The following NINL variants were observed in gnomAD, a reference collection of about 807,000 sequenced individuals.
NINL encodes the protein ninein like.
In NINL, 153 loss-of-function variants were observed where a neutral mutation model predicts 160.3. The ratio of observed to expected loss-of-function variants is 0.95; its 90% CI spans 0.84 to 1.09. The LOEUF (loss-of-function observed/expected upper bound fraction) is 1.09, where lower values mean the gene tolerates loss of function less well. Among genes scored for constraint, NINL ranks in the 50% least tolerant of loss-of-function variants. The probability of loss-of-function intolerance (pLI) is 0.00; values close to 1 mark genes in which losing one functional copy is unlikely to be tolerated. For missense variants in NINL, 1,829 were observed against 1,764.0 expected (o/e 1.04, Z -0.66); for synonymous variants, 800 against 734.8 (o/e 1.09, Z -1.43).
In NINL at chr20:25,526,531, G is replaced by C; in HGVS notation, c.57C>G (p.Cys19Trp). 6.2e-7 allele frequency: 1 copy of C among 1,614,192 alleles called. No individual in the cohort carries two copies. Among genetic ancestry groups the C allele is most frequent in the Non-Finnish European group, 8.5e-7 (1 of 1,180,032 alleles). Residue 19 changes from cysteine to tryptophan, a missense_variant, in exon 2 of 24, where the codon TGC becomes TGG. By Grantham distance (215) the Cys-to-Trp change is radical. Coordinates refer to ENST00000278886, the MANE Select transcript of NINL (RefSeq NM_025176.6). ...VSQLREVYSS[C>W]DTTGTGFLDR... ...CCAGAAAGCCAGTCCCCGTGGTGTC[G>C]CAGCTGCTGTAGACTTCCCTGAGCT...
intron 17 of NINL, among the ~76,000 whole-genome samples, chr20:25,471,506 C>T (rs2063093465): frequency 6.6e-6 from 1 of 152,132 alleles, no homozygotes; most frequent in South Asian, 2.1e-4. Flanking sequence ...CCTACCCCAT[C>T]CCCCACATGA....
chr20:25,570,899 C>T (rs1421954484), intron 1 of NINL, among the ~76,000 whole-genome samples: 6 of 151,846 alleles, frequency 4.0e-5, no homozygotes, highest in Non-Finnish European at 8.8e-5. Flanking sequence ...GACGGGGTTT[C>T]ACCATGTTGG....
rs901999720 is a variant in NINL at position 25,478,795 on chromosome 20, A to T, written c.2201+128T>A. 3 of 1,066,292 alleles carry T rather than the reference A, an allele frequency of 2.8e-6. No individual in the cohort carries two copies. The Admixed American group carries it at 7.6e-5, about 27-fold the overall frequency. The allele number at this position is 1,066,292 out of a possible 1,614,324, so 66.1% of individuals were successfully genotyped here. ...GGACCTGTTCTTTTGGCACTCACCC[A>T]TCTGCCCAGAGGAAAACCACCCAGT... On this transcript the variant is annotated intron_variant, in intron 16 of 23. Transcript: ENST00000278886.
rs1352946405 is a variant in NINL, at chr20:25,504,742, G to A, written c.708+146C>T. The A allele has an allele frequency of 1.6e-5, 14 of 869,352 alleles. No homozygotes were observed. In the Admixed American group the frequency reaches 3.9e-4, roughly 24 times the overall value. 53.9% of individuals were successfully genotyped at this position (869,352 alleles called of 1,614,324 possible). On this transcript the variant is annotated intron_variant, in intron 6 of 23. Transcript: ENST00000278886. ...TGTCTGGAGATTTTAGCCTTTGGCA[G>A]AAATGCCAAGAGCCACCAAAGGATT...
intron 1 of NINL, among the ~76,000 whole-genome samples, chr20:25,567,590 G>A (rs1452563972): frequency 6.6e-6 from 1 of 151,300 alleles, no homozygotes; most frequent in Non-Finnish European, 1.5e-5. Flanking sequence ...AAAGAAGCCA[G>A]AAGAAAAAAA....
At chr20:25,491,179 C>A (rs1281512866) in intron 11 of NINL, among the ~76,000 whole-genome samples, 172 bp downstream of exon 11, 2 of 152,236 alleles carry the variant, frequency 1.3e-5, no homozygotes, top group African/African-American at 4.8e-5. Flanking sequence ...TTCTGCTCTG[C>A]AGCAAGTGGG....
At chr20:25,545,838 C>T (rs1047431508) in intron 1 of NINL, among the ~76,000 whole-genome samples, 2 of 152,178 alleles carry the variant, frequency 1.3e-5, no homozygotes, top group African/African-American at 4.8e-5. Flanking sequence ...CTTCCTTTTC[C>T]AGGCCTTCTT....
At chr20:25,481,373 C>T (rs771585443) in intron 14 of NINL, among the ~76,000 whole-genome samples, 12 of 152,216 alleles carry the variant, frequency 7.9e-5, no homozygotes, top group South Asian at 2.1e-4. Flanking sequence ...AGGGCGGCTG[C>T]AGCACCTGGA....
intron 18 of NINL, among the ~76,000 whole-genome samples, 162 bp from the exon 19 acceptor site, chr20:25,467,620 G>A (rs77136063): frequency 0.037 from 5,681 of 152,238 alleles, 135 homozygotes; most frequent in Non-Finnish European, 0.06. Context: ...CCCTGCTGTT[G>A]CCACTACTAA....
chr20:25,537,079 T>A (rs369886385), intron 1 of NINL, among the ~76,000 whole-genome samples: 2 of 152,166 alleles, frequency 1.3e-5, no homozygotes, highest in East Asian at 1.9e-4. Flanking sequence ...ACACTTTTTT[T>A]AAACTTTCTG....
chr20:25,486,399 G>A (rs774597793), intron 13 of NINL, among the ~76,000 whole-genome samples: 1 of 152,190 alleles, frequency 6.6e-6, no homozygotes, highest in African/African-American at 2.4e-5. Flanking sequence ...AAAGAAAGAA[G>A]GGTTTTAAAT....
At chr20:25,467,311 T>A in intron 19 of NINL, 78 bp downstream of exon 19, 1 of 1,242,058 alleles carries the variant, frequency 8.1e-7, no homozygotes, top group African/African-American at 1.5e-5. Flanking sequence ...TACTTCCTTT[T>A]GTAAGTTTAA....
At chr20:25,551,221 A>C (rs1258097171) in intron 1 of NINL, among the ~76,000 whole-genome samples, 2 of 152,228 alleles carry the variant, frequency 1.3e-5, no homozygotes, top group African/African-American at 4.8e-5. Context: ...ACAGATTAAC[A>C]GCATCTCAAG....
chr20:25,532,647 C>T (rs1307835185), intron 1 of NINL, among the ~76,000 whole-genome samples: 2 of 152,224 alleles, frequency 1.3e-5, no homozygotes, highest in African/African-American at 2.4e-5. Flanking sequence ...TCAGACTCTG[C>T]CCAGAGAGCA....
At chr20:25,518,056 C>T (rs2064192248) in intron 2 of NINL, among the ~76,000 whole-genome samples, 1 of 152,192 alleles carries the variant, frequency 6.6e-6, no homozygotes, top group African/African-American at 2.4e-5. Flanking sequence ...AATCCTACCA[C>T]CAAATAAACA....
At chr20:25,501,632 C>T (rs976853837) in intron 7 of NINL, among the ~76,000 whole-genome samples, 5 of 152,192 alleles carry the variant, frequency 3.3e-5, no homozygotes, top group African/African-American at 1.2e-4. Context: ...TCATTCTGGC[C>T]TTACATGGCT....
At chr20:25,526,256 T>C in intron 2 of NINL, 152 bp downstream of exon 2, 1 of 714,098 alleles carries the variant, frequency 1.4e-6, no homozygotes, top group Non-Finnish European at 2.4e-6. Flanking sequence ...AATGTAGAAT[T>C]TCCATAGAGG....
chr20:25,585,524 C>G lies in NINL; in HGVS notation c.-81G>C, dbSNP rs2065221155. 1.3e-5 allele frequency: 2 copies of G among 152,338 alleles called. No homozygotes were observed. The highest frequency in any genetic ancestry group is 4.1e-4 in the South Asian group (2 of 4,834). 9.4% of individuals were successfully genotyped at this position (152,338 alleles called of 1,614,324 possible). A position where few individuals can be genotyped will look rare whatever the true frequency, so the allele number is the denominator to read the frequency against. ...GGCACCACCCCCGTACCGCCGGCCG[C>G]TCTTTGTGTCTGGAGGCCGCGACGC... is the stretch of plus-strand genomic sequence containing the variant. On this transcript the variant is annotated 5_prime_UTR_variant, in exon 1 of 24. Coordinates refer to ENST00000278886, the MANE Select transcript of NINL (RefSeq NM_025176.6).
chr20:25,551,382 T>TA (rs545637352), intron 1 of NINL, among the ~76,000 whole-genome samples: 187 of 122,426 alleles, frequency 1.5e-3, no homozygotes, highest in Non-Finnish European at 1.8e-3. Flanking sequence ...AATAAATAAA[T>TA]AAAAAAAAAA....
Sources: gnomAD v4.1 joint callset for allele counts (sites outside exome capture counted in the v4.1 genomes callset) on GRCh38, gnomAD v4.1.1 for gene constraint, MANE v1.5 for transcripts, NCBI Gene and HGNC (gene_info 2026-07-23, HGNC 2026-07-21) for gene names.